Variants in ANXA4 observed in about 807,000 individuals in gnomAD.
The protein encoded by ANXA4 is 35-beta calcimedin.
ANXA4 carries 39 observed loss-of-function variants against 49.8 expected under a neutral mutation model. The observed-to-expected ratio is 0.78, with a 90% CI of 0.61 to 1.02. The LOEUF (loss-of-function observed/expected upper bound fraction) is 1.02. Ranked by LOEUF, ANXA4 falls within the 50% of genes least tolerant of loss-of-function variation. The pLI is 0.00. For synonymous variants in ANXA4, 134 were observed against 152.5 expected, an observed-to-expected ratio of 0.88 and a Z score of 0.89; for missense variants, 360 against 410.1, an observed-to-expected ratio of 0.88 and a Z score of 1.05.
At chr2:69,768,948 C>T (rs1671603329) in intron 1 of ANXA4, among the ~76,000 whole-genome samples, 1 of 152,066 alleles carries the variant, frequency 6.6e-6, no homozygotes, top group Admixed American at 6.6e-5. Flanking sequence ...AAAAAAACCT[C>T]CACCAACAAA....
At chr2:69,750,554 AGGCAC>A (rs1670796689) in intron 1 of ANXA4, among the ~76,000 whole-genome samples, 1 of 152,192 alleles carries the variant, frequency 6.6e-6, no homozygotes, top group African/African-American at 2.4e-5. Context: ...CTGGAACTAT[AGGCAC>A]GCGCTGCCAC....
At chr2:69,657,994 T>C (rs929058699) in intron 2 of ANXA4, among the ~76,000 whole-genome samples, 4 of 152,120 alleles carry the variant, frequency 2.6e-5, no homozygotes, top group Admixed American at 2.0e-4. Flanking sequence ...ACTTTTTTCT[T>C]TGCACTCCTG....
intron 2 of ANXA4, among the ~76,000 whole-genome samples, chr2:69,687,988 A>G: frequency 6.6e-6 from 1 of 152,366 alleles, no homozygotes; most frequent in East Asian, 1.9e-4. Flanking sequence ...AGAAATTAAT[A>G]TTGATTCTCT....
intron 2 of ANXA4, chr2:69,674,045 G>A (rs75566632): frequency 0.064 from 9,727 of 152,290 alleles, 1,016 homozygotes; most frequent in East Asian, 0.36. Context: ...TGCGTGCCTC[G>A]GTGAACACTG....
chr2:69,745,163 A>G (rs1459405121), intron 1 of ANXA4, among the ~76,000 whole-genome samples: 1 of 152,190 alleles, frequency 6.6e-6, no homozygotes, highest in Non-Finnish European at 1.5e-5. Flanking sequence ...CAGCAGCCCT[A>G]AATGCCAGAG....
In ANXA4 at chr2:69,795,786, T is replaced by C. The variant is rs545007899; in HGVS notation, c.97+7645T>C. Among the ~76,000 whole-genome samples the C allele has an allele frequency of 2.3e-4, 35 of 152,312 alleles. No individual in the cohort carries two copies. The South Asian group carries it at 7.0e-3, about 31-fold the overall frequency. ...ATGCTGGCCCCCATGTGGGCTAAAA[T>C]ATCTCTACCTAGTAAAGGAGTGGGG... On this transcript the variant is annotated intron_variant, in intron 3 of 12. Transcript: ENST00000394295.
rs1405750505 is a variant in ANXA4 at position 69,826,385 on chromosome 2, C to A, written c.*870C>A. The A allele has an allele frequency of 1.3e-5, 2 of 152,586 alleles. No individual in the cohort carries two copies. 9.5% of individuals were successfully genotyped at this position (152,586 alleles called of 1,614,324 possible). A position where few individuals can be genotyped will look rare whatever the true frequency, so the allele number is the denominator to read the frequency against. The stretch of plus-strand genomic sequence containing the variant: ...TCAATTTTGTTGATTGTAGTAATTT[C>A]TATTTGCACTGTGCCTTTCAACTCC... On this transcript the variant is annotated 3_prime_UTR_variant, in exon 13 of 13. Transcript: ENST00000394295.
intron 1 of ANXA4, among the ~76,000 whole-genome samples, chr2:69,757,266 ATTTTTTTTTTTTT>A (rs1177266386): frequency 1.4e-3 from 38 of 27,648 alleles, no homozygotes; most frequent in African/African-American, 4.5e-3. Flanking sequence ...ATATATATAT[ATTTTTTTTTTTTT>A]TTTTTTTTTT....
intron 2 of ANXA4, among the ~76,000 whole-genome samples, chr2:69,704,487 A>G (rs1311288727): frequency 6.6e-6 from 1 of 152,116 alleles, no homozygotes; most frequent in African/African-American, 2.4e-5. Flanking sequence ...TCTGCAGAAA[A>G]CTGGCACTTT....
intron 2 of ANXA4, among the ~76,000 whole-genome samples, chr2:69,688,176 T>A (rs1233766407): frequency 2.0e-5 from 3 of 152,238 alleles, no homozygotes; most frequent in African/African-American, 4.8e-5. Flanking sequence ...AGGTGCCGTG[T>A]TATTTGTCAT....
intron 2 of ANXA4, among the ~76,000 whole-genome samples, chr2:69,702,603 A>G (rs1678366849): frequency 6.6e-6 from 1 of 151,950 alleles, no homozygotes; most frequent in Non-Finnish European, 1.5e-5. Context: ...GGTCTCAGCT[A>G]CTCGGGAGGC....
intron 2 of ANXA4, among the ~76,000 whole-genome samples, chr2:69,655,633 A>T (rs1342253598): frequency 2.6e-5 from 4 of 152,308 alleles, no homozygotes; most frequent in East Asian, 3.9e-4. Context: ...TTCCAAAAGG[A>T]TCTAGAACCA....
intron 12 of ANXA4, among the ~76,000 whole-genome samples, chr2:69,822,407 A>G (rs1674281024): frequency 6.6e-6 from 1 of 152,162 alleles, no homozygotes; most frequent in South Asian, 2.1e-4. Flanking sequence ...TGAGCCAGCA[A>G]TTCCACTCTC....
rs148931652 is a variant in ANXA4, at chr2:69,665,306, C to T, written n.766+12024C>T. The stretch of plus-strand genomic sequence containing the variant: ...GAACCCTGGCTGTTGAAGCCCGCAG[C>T]GGTTTGAGTTTTCCCTGTCCCAGTG... On this transcript the variant is annotated intron_variant and non_coding_transcript_variant, in intron 2 of 3. Transcript: ENST00000418066. Among the ~76,000 whole-genome samples, 869 of 152,156 alleles carry T rather than the reference C, an allele frequency of 5.7e-3. 11 individuals carry two copies. The highest frequency in any genetic ancestry group is 0.02 in the African/African-American group (828 of 41,516).
At chr2:69,772,206 G>T (rs1450692542) in intron 1 of ANXA4, among the ~76,000 whole-genome samples, 1 of 152,234 alleles carries the variant, frequency 6.6e-6, no homozygotes, top group Non-Finnish European at 1.5e-5. Flanking sequence ...AGGCATAGTT[G>T]CTAATTATTT....
At chr2:69,668,764 CTT>C (rs1677038259) in intron 2 of ANXA4, among the ~76,000 whole-genome samples, 1 of 152,164 alleles carries the variant, frequency 6.6e-6, no homozygotes, top group Non-Finnish European at 1.5e-5. Flanking sequence ...GAATGAGACA[CTT>C]TGGCTTCTGC....
chr2:69,820,365 G>A (rs74447281), intron 11 of ANXA4, among the ~76,000 whole-genome samples: 4,806 of 152,216 alleles, frequency 0.032, 124 homozygotes, highest in Non-Finnish European at 0.048. Context: ...GTGGTGAAGG[G>A]AAGGGGTGAT....
chr2:69,689,774 A>G (rs1234528674), intron 2 of ANXA4, among the ~76,000 whole-genome samples: 1 of 152,208 alleles, frequency 6.6e-6, no homozygotes. Context: ...AAAATATTTT[A>G]TAATTATGTA....
In ANXA4 at chr2:69,812,602, A is replaced by G. The variant is rs771173092; in HGVS notation, c.478-51A>G. On this transcript the variant is annotated intron_variant, in intron 7 of 12. Transcript: ENST00000394295. ...CCTGCTATCTTAATGGTGTCCCCAGATCTTCATGTATACTCTCGAATTATT... is the reference window on the plus strand; with the variant it reads ...CCTGCTATCTTAATGGTGTCCCCAGGTCTTCATGTATACTCTCGAATTATT... 1.7e-5 allele frequency: 25 copies of G among 1,510,732 alleles called. No homozygotes were observed. In the African/African-American group the frequency reaches 2.3e-4, roughly 14 times the overall value. The allele number at this position is 1,510,732 out of a possible 1,614,324, so 93.6% of individuals were successfully genotyped here.
Sources: allele counts gnomAD v4.1 joint callset (sites outside exome capture counted in the v4.1 genomes callset), GRCh38; gene constraint gnomAD v4.1.1; transcripts MANE v1.5; gene names NCBI Gene and HGNC (gene_info 2026-07-23, HGNC 2026-07-21).